The following C1orf167 variants were observed in gnomAD, a reference collection of about 807,000 sequenced individuals.
The protein encoded by C1orf167 is uncharacterized protein C1orf167.
A neutral mutation model predicts 176.5 loss-of-function variants in C1orf167; 153 were observed. That is an observed-to-expected ratio of 0.87 (90% confidence interval 0.76 to 0.99). The LOEUF is 0.99. Among genes scored for constraint, C1orf167 ranks in the 50% least tolerant of loss-of-function variants. The probability of loss-of-function intolerance (pLI) is 0.00; values close to 1 mark genes in which losing one functional copy is unlikely to be tolerated. For missense variants in C1orf167, 1,490 were observed against 1,817.7 expected (o/e 0.82, Z 3.28); for synonymous variants, 594 against 752.7 (o/e 0.79, Z 3.45).
Position 11,779,818 on chromosome 1 carries a change from A to C in C1orf167, c.2668A>C (p.Ser890Arg). The change falls in exon 13 of 21, where the codon AGC becomes CGC. Residue 890 changes from serine (S) to arginine (R), a missense_variant. By Grantham distance (110) the Ser-to-Arg change is moderately radical. Transcript: ENST00000688073. ...TRQRRIFLSW[S>R]RWATAQWAWR... ...CTTTCCCAGCATCTTCCTCAGCTGG[A>C]GCCGCTGGGCAACAGCCCAATGGGC... 7.7e-7 allele frequency: 1 copy of C among 1,301,902 alleles called. No homozygotes were observed. Among genetic ancestry groups the C allele is most frequent in the Non-Finnish European group, 1.0e-6 (1 of 988,050 alleles). 80.6% of individuals were successfully genotyped at this position (1,301,902 alleles called of 1,614,324 possible).
chr1:11,764,848 A>G (rs1642706676), intron 2 of C1orf167, among the ~76,000 whole-genome samples: 1 of 152,160 alleles, frequency 6.6e-6, no homozygotes, highest in South Asian at 2.1e-4. Context: ...TGTGGTCAAG[A>G]GTTCAAGACC....
At position 11,789,521 on chromosome 1, in the gene C1orf167, G is replaced by A. The variant is rs1644020586; in HGVS notation, c.*75G>A. Reference sequence around the variant, plus strand: ...AGGAACCATGCCCCACACATCCAGGGAGTGATGACAGAGGGGACAGCTTGA... The same window carrying A: ...AGGAACCATGCCCCACACATCCAGGAAGTGATGACAGAGGGGACAGCTTGA... On this transcript the variant is annotated 3_prime_UTR_variant, in exon 21 of 21. Transcript: ENST00000688073. 2 of 1,227,792 alleles carry A rather than the reference G, an allele frequency of 1.6e-6. No homozygotes were observed. The highest frequency in any genetic ancestry group is 2.7e-5 in the South Asian group (2 of 74,306). The allele number at this position is 1,227,792 out of a possible 1,614,324, so 76.1% of individuals were successfully genotyped here. A position where few individuals can be genotyped will look rare whatever the true frequency, so the allele number is the denominator to read the frequency against.
rs1336481680 is a variant in C1orf167 at position 11,779,897 on chromosome 1, T to C, written c.2747T>C (p.Leu916Pro). The C allele has an allele frequency of 7.7e-7, 1 of 1,302,920 alleles. No individual in the cohort carries two copies. The highest frequency in any genetic ancestry group is 1.2e-5 in the South Asian group (1 of 80,942). 80.7% of individuals were successfully genotyped at this position (1,302,920 alleles called of 1,614,324 possible). The change falls in exon 13 of 21, where the codon CTG becomes CCG. Residue 916 changes from leucine to proline, a missense_variant. Transcript: ENST00000688073. ...TGGGATCGGACCTGCAGGGCTGTGC[T>C]GGGCCTGTGGCGTCAGCGGCTGCTG... ...RAWDRTCRAV[L>P]GLWRQRLLQS...
intron 6 of C1orf167, among the ~76,000 whole-genome samples, chr1:11,770,721 C>A (rs1643014195): frequency 6.6e-6 from 1 of 151,050 alleles, no homozygotes; most frequent in African/African-American, 2.4e-5. Context: ...CTCAACCTAC[C>A]ACAGTGCTGG....
In C1orf167 at chr1:11,787,803, A is replaced by C. The variant is rs986862970; in HGVS notation, c.3674-70A>C. Reference sequence around the variant, plus strand: ...ACCCTCCTCACTGTACTCAACTCCTAGGCGGGCACTAAGAGCAGCTGCCTT... The same window carrying C: ...ACCCTCCTCACTGTACTCAACTCCTCGGCGGGCACTAAGAGCAGCTGCCTT... On this transcript the variant is annotated intron_variant, in intron 17 of 20. Coordinates refer to ENST00000688073, the MANE Select transcript of C1orf167 (RefSeq NM_001010881.2). The C allele has an allele frequency of 3.4e-6, 4 of 1,183,662 alleles. No homozygotes were observed. The African/African-American group carries it at 6.4e-5, about 19-fold the overall frequency. 73.3% of individuals were successfully genotyped at this position (1,183,662 alleles called of 1,614,324 possible).
intron 15 of C1orf167, 44 bp from the exon 16 acceptor site, chr1:11,785,104 C>T: frequency 7.9e-7 from 1 of 1,259,570 alleles, no homozygotes. Context: ...GCAGAGAGTC[C>T]TGGCCTTTAT....
intron 14 of C1orf167, among the ~76,000 whole-genome samples, chr1:11,783,124 G>A (rs1381841674): frequency 6.6e-6 from 1 of 152,130 alleles, no homozygotes; most frequent in Non-Finnish European, 1.5e-5. Context: ...GACACAGAAT[G>A]GCTCCTCCCA....
chr1:11,767,987 G>T, intron 4 of C1orf167, 90 bp from the exon 5 acceptor site: 1 of 1,034,418 alleles, frequency 9.7e-7, no homozygotes, highest in Non-Finnish European at 1.3e-6. Context: ...CTGATTGCTG[G>T]AAAGGCATCT....
chr1:11,783,133 C>T (rs1643671633), intron 14 of C1orf167, among the ~76,000 whole-genome samples: 1 of 152,236 alleles, frequency 6.6e-6, no homozygotes, highest in South Asian at 2.1e-4. Flanking sequence ...TGGCTCCTCC[C>T]ACAGTTCAGT....
At chr1:11,767,785 C>T (rs1050426343) in intron 4 of C1orf167, among the ~76,000 whole-genome samples, 1 of 152,062 alleles carries the variant, frequency 6.6e-6, no homozygotes, top group African/African-American at 2.4e-5. Flanking sequence ...GTTATCATGC[C>T]ACTGCACTCC....
Position 11,789,368 on chromosome 1 carries a change from CGA to C in C1orf167, c.4276_4277del (p.Ser1426TrpfsTer51). The C allele has an allele frequency of 1.5e-6, 2 of 1,303,664 alleles. No individual in the cohort carries two copies. Among genetic ancestry groups the C allele is most frequent in the Non-Finnish European group, 2.0e-6 (2 of 988,832 alleles). The allele number at this position is 1,303,664 out of a possible 1,614,324, so 80.8% of individuals were successfully genotyped here. A position where few individuals can be genotyped will look rare whatever the true frequency, so the allele number is the denominator to read the frequency against. ...PWSKPGPKGP[E>X]SGQEAARAPR... ...GGAGCAAGCCAGGCCCCAAGGGCCC[CGA>C]GAGTGGACAGGAAGCCGCCAGAGCA... On this transcript the variant is annotated frameshift_variant, in exon 21 of 21. Transcript: ENST00000688073. LOFTEE classifies it low-confidence loss of function (END_TRUNC).
intron 6 of C1orf167, 107 bp downstream of exon 6, chr1:11,769,234 TG>T: frequency 1.1e-6 from 1 of 883,278 alleles, no homozygotes. Context: ...AATAAGCAGA[TG>T]TGGGCAAAGA....
intron 6 of C1orf167, among the ~76,000 whole-genome samples, chr1:11,770,593 A>T (rs1446863774): frequency 6.8e-6 from 1 of 147,392 alleles, no homozygotes; most frequent in Non-Finnish European, 1.5e-5. Flanking sequence ...ATAGGCACAC[A>T]CCACCACGCC....
At chr1:11,773,384 T>C (rs111958309) in intron 8 of C1orf167, among the ~76,000 whole-genome samples, 430 of 152,236 alleles carry the variant, frequency 2.8e-3, no homozygotes, top group South Asian at 6.6e-3. Context: ...TATTTTTATA[T>C]GCCTCTCTAA....
intron 13 of C1orf167, among the ~76,000 whole-genome samples, chr1:11,781,452 C>T (rs1001916063): frequency 1.1e-4 from 17 of 152,326 alleles, no homozygotes; most frequent in Admixed American, 1.1e-3. Context: ...AGGCTGCCCA[C>T]TACACCGACA....
chr1:11,778,762 C>A lies in C1orf167; in HGVS notation c.2442C>A (p.Thr814=). The A allele has an allele frequency of 7.7e-7, 1 of 1,304,156 alleles. No individual in the cohort carries two copies. Among genetic ancestry groups the A allele is most frequent in the Non-Finnish European group, 1.0e-6 (1 of 988,862 alleles). The allele number at this position is 1,304,156 out of a possible 1,614,324, so 80.8% of individuals were successfully genotyped here. A position where few individuals can be genotyped will look rare whatever the true frequency, so the allele number is the denominator to read the frequency against. The stretch of plus-strand genomic sequence containing the variant: ...ATGCCACATCAAGCTGCACCAAGAC[C>A]CCCTCGGCTCTGGAGCCACTGAGCA... The part of the protein sequence containing the change: ...GPDATSSCTK[T]PSALEPLSSS... The change falls in exon 11 of 21, where the codon ACC becomes ACA. Residue 814 remains threonine, a synonymous_variant. Transcript: ENST00000688073.
At chr1:11,771,045 G>GTATATATATA (rs1557726743) in intron 6 of C1orf167, among the ~76,000 whole-genome samples, 2 of 68,642 alleles carry the variant, frequency 2.9e-5, no homozygotes, top group African/African-American at 1.1e-4. Flanking sequence ...GTGTGTGTGT[G>GTATATATATA]TGTGTATATA....
intron 1 of C1orf167, among the ~76,000 whole-genome samples, chr1:11,763,403 C>T (rs1344506498): frequency 6.7e-6 from 1 of 150,180 alleles, no homozygotes; most frequent in Non-Finnish European, 1.5e-5. Flanking sequence ...CGGGATCACG[C>T]CATTGTACCA....
At chr1:11,765,397 T>A (rs562119989) in intron 2 of C1orf167, among the ~76,000 whole-genome samples, 1 of 152,156 alleles carries the variant, frequency 6.6e-6, no homozygotes, top group African/African-American at 2.4e-5. Context: ...TAGCCGTGGC[T>A]CTATGGGGTC....
Sources: allele counts gnomAD v4.1 joint callset (sites outside exome capture counted in the v4.1 genomes callset), GRCh38; gene constraint gnomAD v4.1.1; transcripts MANE v1.5; gene names NCBI Gene and HGNC (gene_info 2026-07-23, HGNC 2026-07-21).